Variants in NRCAM observed in about 807,000 individuals in gnomAD.
The protein encoded by NRCAM is neuronal cell adhesion molecule.
NRCAM carries 83 observed loss-of-function variants against 156.5 expected under a neutral mutation model. The observed-to-expected ratio is 0.53, with a 90% confidence interval of 0.44 to 0.64. NRCAM has a LOEUF of 0.64. Among genes scored for constraint, NRCAM ranks in the 30% least tolerant of loss-of-function variants. NRCAM has a pLI of 0.00. For synonymous variants in NRCAM, 538 were observed against 563.9 expected, an observed-to-expected ratio of 0.95 and a Z score of 0.65; for missense variants, 1,417 against 1,597.3, an observed-to-expected ratio of 0.89 and a Z score of 1.92.
chr7:108,437,717 A>C (rs1330594791), intron 1 of NRCAM, among the ~76,000 whole-genome samples: 1 of 152,204 alleles, frequency 6.6e-6, no homozygotes, highest in Non-Finnish European at 1.5e-5. Context: ...CACAAAAAAA[A>C]CACATTTCCA....
At position 108,184,234 on chromosome 7, in the gene NRCAM, A is replaced by G. The variant is rs6970656; in HGVS notation, c.2304+7T>C. 1,223,736 of 1,610,146 alleles carry G rather than the reference A, an allele frequency of 0.76. 471,294 individuals are homozygous for G. The highest frequency in any genetic ancestry group is 0.95 in the East Asian group (42,726 of 44,862). On this transcript the variant is annotated splice_region_variant and intron_variant, in intron 22 of 32. Coordinates refer to ENST00000379028, the MANE Select transcript of NRCAM (RefSeq NM_001037132.4). ...TAGCGAATAAATTTGAAGGCATCAT[A>G]GCTCACCTTCCACGTAATCACCAAA...
chr7:108,221,102 A>C (rs2092091715), intron 11 of NRCAM, among the ~76,000 whole-genome samples: 1 of 152,240 alleles, frequency 6.6e-6, no homozygotes, highest in South Asian at 2.1e-4. Context: ...AAAAATGCTC[A>C]ACATCACTAA....
intron 3 of NRCAM, among the ~76,000 whole-genome samples, chr7:108,266,970 A>C (rs1288049164): frequency 6.6e-6 from 1 of 152,234 alleles, no homozygotes; most frequent in Non-Finnish European, 1.5e-5. Context: ...GGTCAAAGAC[A>C]AAGACTTTAT....
intron 3 of NRCAM, among the ~76,000 whole-genome samples, chr7:108,301,573 A>T (rs1231461539): frequency 6.6e-6 from 1 of 152,158 alleles, no homozygotes; most frequent in Admixed American, 6.5e-5. Flanking sequence ...TCTGGGAAAA[A>T]TTTTTAAAGT....
chr7:108,412,722 G>A (rs1010753996), intron 1 of NRCAM, among the ~76,000 whole-genome samples: 7 of 151,922 alleles, frequency 4.6e-5, no homozygotes, highest in African/African-American at 1.7e-4. Flanking sequence ...CCCAGCCCCT[G>A]GTAACCACCA....
chr7:108,428,076 A>C (rs1250858543), intron 1 of NRCAM, among the ~76,000 whole-genome samples: 1 of 152,224 alleles, frequency 6.6e-6, no homozygotes, highest in African/African-American at 2.4e-5. Flanking sequence ...AACCAGAGAA[A>C]GGACAAGATA....
intron 13 of NRCAM, among the ~76,000 whole-genome samples, chr7:108,203,690 G>A (rs549638700): frequency 2.0e-5 from 3 of 152,136 alleles, no homozygotes; most frequent in African/African-American, 7.2e-5. Context: ...ATGGTCCCCT[G>A]ACTGTATCTC....
At chr7:108,227,263 A>C (rs188208866) in intron 8 of NRCAM, among the ~76,000 whole-genome samples, 10 of 152,318 alleles carry the variant, frequency 6.6e-5, no homozygotes, top group Admixed American at 2.0e-4. Flanking sequence ...ATAATTTATT[A>C]GTACTTCCCC....
At chr7:108,392,423 C>T (rs906319824) in intron 2 of NRCAM, among the ~76,000 whole-genome samples, 2 of 152,196 alleles carry the variant, frequency 1.3e-5, no homozygotes, top group African/African-American at 4.8e-5. Context: ...TCAGCTCCAT[C>T]AGGTCATTTA....
At chr7:108,359,410 G>A (rs1266569702) in intron 2 of NRCAM, among the ~76,000 whole-genome samples, 1 of 152,208 alleles carries the variant, frequency 6.6e-6, no homozygotes, top group Non-Finnish European at 1.5e-5. Context: ...GAGAAGGAGG[G>A]TGACCTCTGA....
intron 1 of NRCAM, among the ~76,000 whole-genome samples, chr7:108,425,994 A>T (rs1485402062): frequency 6.6e-6 from 1 of 152,202 alleles, no homozygotes; most frequent in East Asian, 1.9e-4. Context: ...TGAGAAAGGA[A>T]TTTTTTTAAT....
chr7:108,441,436 A>G (rs556294101), intron 1 of NRCAM, among the ~76,000 whole-genome samples: 1 of 152,160 alleles, frequency 6.6e-6, no homozygotes, highest in Non-Finnish European at 1.5e-5. Flanking sequence ...TGTAGATTAG[A>G]TTAGACTATC....
intron 1 of NRCAM, among the ~76,000 whole-genome samples, chr7:108,452,354 G>A (rs984082095): frequency 1.3e-5 from 2 of 151,728 alleles, no homozygotes; most frequent in Non-Finnish European, 2.9e-5. Flanking sequence ...ATATCATGTT[G>A]TACATATTAA....
At chr7:108,317,175 G>A (rs1202260942) in intron 2 of NRCAM, among the ~76,000 whole-genome samples, 1 of 152,202 alleles carries the variant, frequency 6.6e-6, no homozygotes, top group African/African-American at 2.4e-5. Context: ...TACATGAGCT[G>A]AGAGGGAACT....
At chr7:108,392,314 C>T (rs1032465602) in intron 2 of NRCAM, among the ~76,000 whole-genome samples, 1 of 152,182 alleles carries the variant, frequency 6.6e-6, no homozygotes, top group African/African-American at 2.4e-5. Flanking sequence ...CACTTCATTT[C>T]ATTCATTTGA....
Position 108,184,476 on chromosome 7 carries a change from T to C in NRCAM, c.2174A>G (p.Asn725Ser). The C allele has an allele frequency of 1.2e-6, 2 of 1,614,204 alleles. No homozygotes were observed. Among genetic ancestry groups the C allele is most frequent in the Non-Finnish European group, 1.7e-6 (2 of 1,180,028 alleles). The stretch of plus-strand genomic sequence containing the variant: ...GCTGGGCAAGCTCTTCCCAATGCTG[T>C]TCACTGCCATCACGCGGAAGGAGTA... ...VNYSFRVMAVNSIGKSLPSEA... is the reference protein window; with the variant it reads ...VNYSFRVMAVSSIGKSLPSEA... The change falls in exon 21 of 33, where the codon AAC becomes AGC. Residue 725 changes from asparagine to serine, a missense_variant. Coordinates refer to ENST00000379028, the MANE Select transcript of NRCAM (RefSeq NM_001037132.4).
chr7:108,302,866 G>A (rs1563180427), intron 3 of NRCAM, among the ~76,000 whole-genome samples: 1 of 152,164 alleles, frequency 6.6e-6, no homozygotes, highest in Non-Finnish European at 1.5e-5. Flanking sequence ...TTCAAACTCA[G>A]TATAGTATAT....
intron 2 of NRCAM, among the ~76,000 whole-genome samples, chr7:108,335,649 G>C (rs1311110396): frequency 6.6e-6 from 1 of 151,900 alleles, no homozygotes; most frequent in Non-Finnish European, 1.5e-5. Flanking sequence ...GCTAATTCCA[G>C]GGTACTGAAG....
chr7:108,160,214 G>C (rs2048066911), intron 31 of NRCAM, 147 bp downstream of exon 31: 1 of 691,764 alleles, frequency 1.4e-6, no homozygotes, highest in Admixed American at 2.8e-5. Flanking sequence ...TATATAAAAA[G>C]GGATCAAAAG....
Sources: gnomAD v4.1 joint callset for allele counts (sites outside exome capture counted in the v4.1 genomes callset) on GRCh38, gnomAD v4.1.1 for gene constraint, MANE v1.5 for transcripts, NCBI Gene and HGNC (gene_info 2026-07-23, HGNC 2026-07-21) for gene names.